Variants in FBXO4 observed in about 807,000 individuals in gnomAD.
FBXO4 encodes F-box protein 4, also known as F-box only protein 4.
A neutral mutation model predicts 43.7 loss-of-function variants in FBXO4; 36 were observed. The ratio of observed to expected loss-of-function variants is 0.82; its 90% CI spans 0.63 to 1.09. The LOEUF is 1.09. Ranked by LOEUF, FBXO4 falls within the 50% of genes least tolerant of loss-of-function variation. The pLI is 0.00. For missense variants in FBXO4, 435 were observed against 474.1 expected, an observed-to-expected ratio of 0.92 and a Z score of 0.77; for synonymous variants, 180 against 165.6, an observed-to-expected ratio of 1.09 and a Z score of -0.67.
chr5:41,948,375 T>G, the FBXO4 span, among the ~76,000 whole-genome samples: 8 of 152,282 alleles, frequency 5.3e-5, no homozygotes, highest in East Asian at 1.5e-3. Flanking sequence ...GACCTCGTGA[T>G]CTGCCCATCT....
chr5:42,018,781 G>T, the FBXO4 span, among the ~76,000 whole-genome samples: 1 of 151,974 alleles, frequency 6.6e-6, no homozygotes, highest in African/African-American at 2.4e-5. Context: ...TCAATATTTT[G>T]TACTGTTGAT....
At chr5:41,970,204 T>G in the FBXO4 span, among the ~76,000 whole-genome samples, 1 of 152,074 alleles carries the variant, frequency 6.6e-6, no homozygotes, top group Non-Finnish European at 1.5e-5. Flanking sequence ...GCAGTAGATA[T>G]CTGATTTTAA....
At chr5:42,034,347 T>C in the FBXO4 span, among the ~76,000 whole-genome samples, 13 of 152,342 alleles carry the variant, frequency 8.5e-5, no homozygotes, top group East Asian at 2.5e-3. Flanking sequence ...TCTTTTGCTG[T>C]GCAAAAGCTC....
the FBXO4 span, among the ~76,000 whole-genome samples, chr5:41,950,782 T>G: frequency 9.2e-5 from 14 of 152,230 alleles, no homozygotes; most frequent in Admixed American, 8.5e-4. Flanking sequence ...ATTGCAGCAC[T>G]GTTCACAATA....
chr5:41,962,188 A>G, the FBXO4 span, among the ~76,000 whole-genome samples: 1 of 152,196 alleles, frequency 6.6e-6, no homozygotes, highest in Non-Finnish European at 1.5e-5. Flanking sequence ...GTTTCTTTAG[A>G]CTTATTTTAC....
chr5:42,020,610 C>T, the FBXO4 span, among the ~76,000 whole-genome samples: 2 of 152,136 alleles, frequency 1.3e-5, no homozygotes, highest in African/African-American at 2.4e-5. Context: ...CAGCAAGGAA[C>T]GAGGCTCTTT....
chr5:42,025,800 T>G, the FBXO4 span, among the ~76,000 whole-genome samples: 3 of 151,998 alleles, frequency 2.0e-5, no homozygotes, highest in Admixed American at 2.0e-4. Context: ...GAAGAGACTG[T>G]CTTTTCCCCA....
the FBXO4 span, among the ~76,000 whole-genome samples, chr5:42,024,556 A>G: frequency 0.016 from 2,441 of 152,178 alleles, 121 homozygotes; most frequent in East Asian, 0.1. Flanking sequence ...TTTGTGTTAC[A>G]AACAATCCCG....
the FBXO4 span, among the ~76,000 whole-genome samples, chr5:41,992,095 A>C: frequency 6.6e-6 from 1 of 152,142 alleles, no homozygotes; most frequent in African/African-American, 2.4e-5. Context: ...AAATATATAT[A>C]TATACCTTCA....
intron 5 of FBXO4, chr5:41,934,696 G>C (rs1751805184): frequency 1.9e-6 from 2 of 1,059,530 alleles, no homozygotes; most frequent in South Asian, 6.8e-5. Context: ...TCTGCTTCTG[G>C]CTTTATTCAA....
At chr5:42,030,396 C>T in the FBXO4 span, among the ~76,000 whole-genome samples, 5 of 152,012 alleles carry the variant, frequency 3.3e-5, no homozygotes, top group South Asian at 6.2e-4. Context: ...GGAAAACTGG[C>T]TAGCCATATG....
chr5:41,978,970 AGC>A, the FBXO4 span, among the ~76,000 whole-genome samples: 5 of 152,258 alleles, frequency 3.3e-5, no homozygotes, highest in Admixed American at 6.5e-5. Flanking sequence ...AGCAGGCATC[AGC>A]AATTTTTGTT....
the FBXO4 span, among the ~76,000 whole-genome samples, chr5:41,970,686 C>T: frequency 6.6e-6 from 1 of 151,738 alleles, no homozygotes; most frequent in Non-Finnish European, 1.5e-5. Context: ...GTCATAGTGC[C>T]ACCAATGATG....
chr5:42,001,799 C>A, the FBXO4 span, among the ~76,000 whole-genome samples: 2 of 152,070 alleles, frequency 1.3e-5, no homozygotes, highest in African/African-American at 4.8e-5. Context: ...TCAAGCAATT[C>A]TCCTGCTCAG....
At chr5:42,023,375 A>G in the FBXO4 span, among the ~76,000 whole-genome samples, 3 of 152,002 alleles carry the variant, frequency 2.0e-5, no homozygotes, top group African/African-American at 7.2e-5. Context: ...CACCTCCTTC[A>G]ATGCCTGTGC....
the FBXO4 span, among the ~76,000 whole-genome samples, chr5:42,040,017 G>C: frequency 6.6e-6 from 1 of 152,044 alleles, no homozygotes; most frequent in Non-Finnish European, 1.5e-5. Context: ...ACCAGCTCTG[G>C]CTGACTCCTT....
At chr5:41,954,972 T>C in the FBXO4 span, among the ~76,000 whole-genome samples, 4 of 152,214 alleles carry the variant, frequency 2.6e-5, no homozygotes, top group Admixed American at 1.3e-4. Flanking sequence ...TCCAAAATAT[T>C]TGGCATCTAA....
chr5:41,964,980 T>C, the FBXO4 span, among the ~76,000 whole-genome samples: 2 of 152,172 alleles, frequency 1.3e-5, no homozygotes, highest in African/African-American at 4.8e-5. Context: ...CTGAATGGTA[T>C]TGCCTAGGTT....
the FBXO4 span, among the ~76,000 whole-genome samples, chr5:42,006,074 G>A: frequency 6.6e-6 from 1 of 152,004 alleles, no homozygotes; most frequent in African/African-American, 2.4e-5. Flanking sequence ...ATTGACATAT[G>A]TTGACATATT....
Sources: gnomAD v4.1 joint callset for allele counts (sites outside exome capture counted in the v4.1 genomes callset) on GRCh38, gnomAD v4.1.1 for gene constraint, MANE v1.5 for transcripts, NCBI Gene and HGNC (gene_info 2026-07-23, HGNC 2026-07-21) for gene names.